The following GOLM2 variants were observed in gnomAD, a reference collection of about 807,000 sequenced individuals.
GOLM2 encodes the protein golgi membrane protein 2, also known as protein GOLM2.
A neutral mutation model predicts 55.9 loss-of-function variants in GOLM2; 26 were observed. That is an observed-to-expected ratio of 0.47 (90% CI 0.34 to 0.65). The LOEUF is 0.65. Ranked by LOEUF, GOLM2 falls within the 30% of genes least tolerant of loss-of-function variation. The probability of loss-of-function intolerance (pLI) is 0.01; values close to 1 mark genes in which losing one functional copy is unlikely to be tolerated. For missense variants in GOLM2, 486 were observed against 531.8 expected, an observed-to-expected ratio of 0.91 and a Z score of 0.85; for synonymous variants, 165 against 194.6, an observed-to-expected ratio of 0.85 and a Z score of 1.27.
chr15:44,314,559 CAAAA>C (rs371029849), intron 1 of GOLM2, among the ~76,000 whole-genome samples: 1 of 75,744 alleles, frequency 1.3e-5, no homozygotes, highest in Non-Finnish European at 2.9e-5. Flanking sequence ...AACTCCATCT[CAAAA>C]AAAAAAAAAA....
chr15:44,298,025 G>A (rs1302353256), intron 1 of GOLM2, among the ~76,000 whole-genome samples: 3 of 151,226 alleles, frequency 2.0e-5, no homozygotes, highest in Non-Finnish European at 2.9e-5. Flanking sequence ...GCACCACCAG[G>A]CCTGGCTAAA....
At chr15:44,332,390 C>T (rs2079028300) in intron 4 of GOLM2, among the ~76,000 whole-genome samples, 1 of 152,038 alleles carries the variant, frequency 6.6e-6, no homozygotes, top group South Asian at 2.1e-4. Flanking sequence ...AACCCCATCT[C>T]TACTAAAAAT....
At chr15:44,408,679 C>A (rs547650889) in intron 9 of GOLM2, among the ~76,000 whole-genome samples, 82 of 152,278 alleles carry the variant, frequency 5.4e-4, no homozygotes, top group African/African-American at 1.9e-3. Context: ...TATTTGTTCA[C>A]TTAAAAATTC....
chr15:44,392,841 A>G (rs767781276), intron 8 of GOLM2, among the ~76,000 whole-genome samples: 31 of 152,330 alleles, frequency 2.0e-4, no homozygotes, highest in Admixed American at 6.5e-4. Context: ...TGCATTTATG[A>G]TAAAACAACC....
At chr15:44,365,674 A>G (rs1420704540) in intron 6 of GOLM2, among the ~76,000 whole-genome samples, 3 of 152,198 alleles carry the variant, frequency 2.0e-5, no homozygotes, top group African/African-American at 4.8e-5. Context: ...TAGTAGTTGC[A>G]AGGGGATGGG....
At chr15:44,331,504 T>C (rs72717938) in intron 3 of GOLM2, among the ~76,000 whole-genome samples, 2,282 of 152,326 alleles carry the variant, frequency 0.015, 59 homozygotes, top group Non-Finnish European at 0.017. Flanking sequence ...CTATCTTCTT[T>C]ATTAGTTTCT....
intron 2 of GOLM2, among the ~76,000 whole-genome samples, chr15:44,325,005 A>C (rs937452302): frequency 6.6e-6 from 1 of 152,204 alleles, no homozygotes; most frequent in Non-Finnish European, 1.5e-5. Context: ...CCAATCAGTC[A>C]AAAGTAAAAT....
chr15:44,315,801 AAG>A (rs2078905533), intron 1 of GOLM2, among the ~76,000 whole-genome samples: 1 of 152,230 alleles, frequency 6.6e-6, no homozygotes, highest in Non-Finnish European at 1.5e-5. Flanking sequence ...GTATTACAAA[AAG>A]AGAGGGATAA....
At chr15:44,366,280 G>C (rs1167717637) in intron 6 of GOLM2, among the ~76,000 whole-genome samples, 1 of 141,310 alleles carries the variant, frequency 7.1e-6, no homozygotes, top group Non-Finnish European at 1.5e-5. Context: ...CTGGGCAACA[G>C]AGCGAGACTC....
intron 1 of GOLM2, among the ~76,000 whole-genome samples, chr15:44,293,060 C>G (rs1046292028): frequency 1.3e-5 from 2 of 152,208 alleles, no homozygotes; most frequent in African/African-American, 4.8e-5. Context: ...AAGTGATCCT[C>G]CTGCCTTGGC....
Position 44,323,138 on chromosome 15 carries a change from GA to G in GOLM2, c.382+120del, listed in dbSNP as rs367576355. On this transcript the variant is annotated intron_variant, in intron 2 of 9. Coordinates refer to ENST00000299957, the MANE Select transcript of GOLM2 (RefSeq NM_138423.4). ...TACAATTTTCTGAACAAACTCCTCTGATGGTAAAACATTTATCCTTTTGCCT... is the reference window on the plus strand; with the variant it reads ...TACAATTTTCTGAACAAACTCCTCTGTGGTAAAACATTTATCCTTTTGCCT... 1.2e-3 allele frequency: 697 copies of G among 603,318 alleles called. 10 individuals are homozygous for G. The South Asian group carries it at 0.014, about 12-fold the overall frequency. The allele number at this position is 603,318 out of a possible 1,614,324, so 37.4% of individuals were successfully genotyped here. A position where few individuals can be genotyped will look rare whatever the true frequency, so the allele number is the denominator to read the frequency against.
chr15:44,397,478 C>CAAAAAA (rs1007948393), intron 8 of GOLM2, among the ~76,000 whole-genome samples: 968 of 31,116 alleles, frequency 0.031, 1 homozygote, highest in Non-Finnish European at 0.034. Context: ...GACTCCGTCT[C>CAAAAAA]AAAAAAAAAA....
At chr15:44,374,057 C>T (rs1457220071) in intron 6 of GOLM2, among the ~76,000 whole-genome samples, 6 of 152,018 alleles carry the variant, frequency 3.9e-5, no homozygotes, top group Admixed American at 6.6e-5. Flanking sequence ...GCTGAGATCA[C>T]GTCACTTCAT....
chr15:44,384,489 G>C (rs1424805670), intron 8 of GOLM2, among the ~76,000 whole-genome samples: 1 of 152,090 alleles, frequency 6.6e-6, no homozygotes, highest in African/African-American at 2.4e-5. Context: ...ACTCAAGCCT[G>C]TAATCCCAGC....
chr15:44,304,380 T>G (rs1339452991), intron 1 of GOLM2, among the ~76,000 whole-genome samples: 3 of 148,890 alleles, frequency 2.0e-5, no homozygotes, highest in African/African-American at 7.5e-5. Flanking sequence ...TAGCTGGGAT[T>G]ACAGGCGCCC....
In GOLM2 at chr15:44,322,980, A is replaced by T; in HGVS notation, c.343A>T (p.Asn115Tyr). 1 of 1,578,944 alleles carries T rather than the reference A, an allele frequency of 6.3e-7. No homozygotes were observed. Among genetic ancestry groups the T allele is most frequent in the Non-Finnish European group, 8.6e-7 (1 of 1,166,108 alleles). ...TTTTTTTCAGGTTAAACTACAGAACAACATATCGTATCAGATGGCAGACAT... is the reference window on the plus strand; with the variant it reads ...TTTTTTTCAGGTTAAACTACAGAACTACATATCGTATCAGATGGCAGACAT... ...CEDDKVKLQN[N>Y]ISYQMADIHH... The change falls in exon 2 of 10, where the codon AAC becomes TAC. Residue 115 changes from asparagine to tyrosine, a missense_variant. By Grantham distance (143) the Asn-to-Tyr change is moderately radical. Transcript: ENST00000299957.
chr15:44,384,339 G>A (rs945475793), intron 8 of GOLM2, among the ~76,000 whole-genome samples: 2 of 152,074 alleles, frequency 1.3e-5, no homozygotes, highest in East Asian at 3.9e-4. Context: ...ACGGCCAGGC[G>A]CGGTGGCTCA....
intron 9 of GOLM2, chr15:44,409,911 G>A (rs1292033236): frequency 4.3e-5 from 6 of 139,852 alleles, no homozygotes; most frequent in Non-Finnish European, 9.1e-5. Flanking sequence ...GCAAGACTTC[G>A]TCTAAAAAAA....
intron 1 of GOLM2, among the ~76,000 whole-genome samples, chr15:44,309,515 T>C (rs117250434): frequency 0.01 from 1,561 of 152,298 alleles, 14 homozygotes; most frequent in Non-Finnish European, 0.015. Flanking sequence ...TCTATGAGAT[T>C]CCCAATTTAT....
Sources: allele counts gnomAD v4.1 joint callset (sites outside exome capture counted in the v4.1 genomes callset), GRCh38; gene constraint gnomAD v4.1.1; transcripts MANE v1.5; gene names NCBI Gene and HGNC (gene_info 2026-07-23, HGNC 2026-07-21).